Variants in TTC28 observed in about 807,000 individuals in gnomAD.
The protein encoded by TTC28 is tetratricopeptide repeat domain 28, also known as tetratricopeptide repeat protein 28.
A neutral mutation model predicts 198.0 loss-of-function variants in TTC28; 61 were observed. The ratio of observed to expected loss-of-function variants is 0.31; its 90% CI spans 0.25 to 0.38. The LOEUF is 0.38. TTC28 is among the 10% of genes least tolerant of loss of function. The pLI is 1.00. For synonymous variants in TTC28, 1,171 were observed against 1,297.8 expected, an observed-to-expected ratio of 0.90 and a Z score of 2.10; for missense variants, 2,678 against 3,164.0, an observed-to-expected ratio of 0.85 and a Z score of 3.69.
rs557812886 is a variant in TTC28 at position 28,165,416 on chromosome 22, A to G, written c.934-1817T>C. On this transcript the variant is annotated intron_variant, in intron 5 of 22. Transcript: ENST00000397906. Reference sequence around the variant, plus strand: ...TTGAAATGAAGGAAAAAATGTTAAGAGCAGCCAGAGAGAAAGGTCGGGTTA... The same window carrying G: ...TTGAAATGAAGGAAAAAATGTTAAGGGCAGCCAGAGAGAAAGGTCGGGTTA... 2.4e-4 allele frequency among the ~76,000 whole-genome samples: 36 copies of G among 151,962 alleles called. No homozygotes were observed. The South Asian group carries it at 2.5e-3, about 11-fold the overall frequency.
chr22:28,178,301 CA>C (rs71194755), intron 5 of TTC28, among the ~76,000 whole-genome samples: 30 of 137,210 alleles, frequency 2.2e-4, no homozygotes, highest in East Asian at 8.5e-4. Flanking sequence ...CTAATAAATA[CA>C]AAAAAAAAAA....
chr22:28,390,145 G>C (rs2046690608), intron 2 of TTC28, among the ~76,000 whole-genome samples: 1 of 152,140 alleles, frequency 6.6e-6, no homozygotes, highest in Admixed American at 6.5e-5. Context: ...CCATGTAGTT[G>C]AGCTGTTTTG....
intron 2 of TTC28, among the ~76,000 whole-genome samples, chr22:28,368,940 C>A (rs1601699503): frequency 6.6e-6 from 1 of 151,810 alleles, no homozygotes; most frequent in African/African-American, 2.4e-5. Context: ...TTATAAGAAT[C>A]AATATTGTTA....
chr22:28,522,259 A>T (rs2048922703), intron 2 of TTC28, among the ~76,000 whole-genome samples: 1 of 152,174 alleles, frequency 6.6e-6, no homozygotes, highest in South Asian at 2.1e-4. Flanking sequence ...AGGCCGAGAT[A>T]GGTGGATTAC....
intron 2 of TTC28, among the ~76,000 whole-genome samples, chr22:28,423,605 T>C (rs1477586383): frequency 6.6e-6 from 1 of 152,154 alleles, no homozygotes; most frequent in African/African-American, 2.4e-5. Context: ...AACTCTAAAG[T>C]CCATTAAGTT....
At chr22:28,607,932 T>C (rs2050760477) in intron 2 of TTC28, among the ~76,000 whole-genome samples, 1 of 152,220 alleles carries the variant, frequency 6.6e-6, no homozygotes, top group African/African-American at 2.4e-5. Flanking sequence ...TCACAGTGGT[T>C]GTTTATACTT....
chr22:28,391,662 A>G (rs934282563), intron 2 of TTC28, among the ~76,000 whole-genome samples: 8 of 152,122 alleles, frequency 5.3e-5, no homozygotes, highest in African/African-American at 9.6e-5. Context: ...CATTCTTCAC[A>G]TAGTTCTCGA....
chr22:28,222,772 C>T (rs1927988894), intron 5 of TTC28, among the ~76,000 whole-genome samples: 1 of 152,216 alleles, frequency 6.6e-6, no homozygotes, highest in South Asian at 2.1e-4. Context: ...ATTGTTCATA[C>T]TCAAGGTGAC....
intron 13 of TTC28, among the ~76,000 whole-genome samples, chr22:28,020,154 C>T (rs1938532778): frequency 6.6e-6 from 1 of 152,222 alleles, no homozygotes; most frequent in South Asian, 2.1e-4. Context: ...TGGGTGGCCC[C>T]TCCTGGGGGC....
intron 2 of TTC28, among the ~76,000 whole-genome samples, chr22:28,566,061 A>T (rs1030764819): frequency 6.6e-6 from 1 of 151,874 alleles, no homozygotes; most frequent in Non-Finnish European, 1.5e-5. Flanking sequence ...GGGAGGAATA[A>T]CAGCCTTAGC....
At chr22:28,662,324 T>C (rs2051762008) in intron 1 of TTC28, among the ~76,000 whole-genome samples, 1 of 152,160 alleles carries the variant, frequency 6.6e-6, no homozygotes, top group Non-Finnish European at 1.5e-5. Flanking sequence ...ACTATTTGCT[T>C]AGTGATCATA....
At chr22:28,293,468 G>A (rs1396759421) in intron 5 of TTC28, among the ~76,000 whole-genome samples, 1 of 152,080 alleles carries the variant, frequency 6.6e-6, no homozygotes, top group Non-Finnish European at 1.5e-5. Context: ...ACCAGAGTGG[G>A]TTGAGGGAGA....
intron 5 of TTC28, among the ~76,000 whole-genome samples, chr22:28,237,919 T>C (rs1301511366): frequency 6.6e-6 from 1 of 152,206 alleles, no homozygotes; most frequent in Admixed American, 6.5e-5. Context: ...ATTACCAAGA[T>C]ATCATCCCAT....
intron 10 of TTC28, 78 bp downstream of exon 10, chr22:28,098,837 A>C: frequency 6.7e-7 from 1 of 1,490,022 alleles, no homozygotes; most frequent in Non-Finnish European, 9.0e-7. Context: ...CGCTGTCACT[A>C]AACAACTTGG....
At chr22:28,071,094 G>A (rs1036495537) in intron 12 of TTC28, among the ~76,000 whole-genome samples, 1 of 152,076 alleles carries the variant, frequency 6.6e-6, no homozygotes, top group African/African-American at 2.4e-5. Context: ...CCAAGGGTGG[G>A]AAAGGTAGTC....
At chr22:28,554,892 G>T (rs2049763186) in intron 2 of TTC28, among the ~76,000 whole-genome samples, 1 of 151,968 alleles carries the variant, frequency 6.6e-6, no homozygotes, top group Non-Finnish European at 1.5e-5. Flanking sequence ...AAAAAAGAAA[G>T]AAATAATCAG....
At chr22:28,080,210 G>T (rs1941296944) in intron 12 of TTC28, among the ~76,000 whole-genome samples, 2 of 152,180 alleles carry the variant, frequency 1.3e-5, no homozygotes, top group Non-Finnish European at 2.9e-5. Flanking sequence ...TGTATACCCA[G>T]AAATGGGATT....
chr22:28,499,753 A>C (rs2048510179), intron 2 of TTC28, among the ~76,000 whole-genome samples: 1 of 152,244 alleles, frequency 6.6e-6, no homozygotes. Context: ...TAGCTTATTG[A>C]GTAAACTCCA....
intron 8 of TTC28, among the ~76,000 whole-genome samples, chr22:28,102,904 G>C (rs1309901566): frequency 1.3e-5 from 2 of 152,170 alleles, no homozygotes; most frequent in Non-Finnish European, 2.9e-5. Flanking sequence ...GATGGTTCTT[G>C]GGAGAAAACC....
Sources: allele counts gnomAD v4.1 joint callset (sites outside exome capture counted in the v4.1 genomes callset), GRCh38; gene constraint gnomAD v4.1.1; transcripts MANE v1.5; gene names NCBI Gene and HGNC (gene_info 2026-07-23, HGNC 2026-07-21).